The following MAGI2 variants were observed in gnomAD, a reference collection of about 807,000 sequenced individuals.
MAGI2 encodes membrane-associated guanylate kinase, WW and PDZ domain-containing protein 2.
MAGI2 carries 35 observed loss-of-function variants against 133.3 expected under a neutral mutation model. The observed-to-expected ratio is 0.26, with a 90% confidence interval of 0.20 to 0.35. MAGI2 has a LOEUF of 0.35. Among genes scored for constraint, MAGI2 ranks in the 10% least tolerant of loss-of-function variants. The pLI, the probability that MAGI2 is intolerant of heterozygous loss-of-function variation, is 1.00. For missense variants in MAGI2, 1,636 were observed against 1,863.4 expected (o/e 0.88, Z 2.25); for synonymous variants, 729 against 710.6 (o/e 1.03, Z -0.41).
intron 1 of MAGI2, among the ~76,000 whole-genome samples, chr7:79,327,150 CA>C (rs1371655647): frequency 6.6e-6 from 1 of 152,050 alleles, no homozygotes; most frequent in Non-Finnish European, 1.5e-5. Context: ...AACTGCTGAC[CA>C]GCTGAAGGCC....
chr7:78,333,663 G>A (rs1789461133), intron 9 of MAGI2, among the ~76,000 whole-genome samples: 1 of 152,194 alleles, frequency 6.6e-6, no homozygotes, highest in Non-Finnish European at 1.5e-5. Flanking sequence ...GCTACCCTAA[G>A]CTACCTTGTC....
intron 20 of MAGI2, among the ~76,000 whole-genome samples, chr7:78,105,689 T>C: frequency 6.6e-6 from 1 of 152,128 alleles, no homozygotes; most frequent in South Asian, 2.1e-4. Flanking sequence ...TTTTCTATTG[T>C]TATTGTTGTA....
At chr7:78,827,243 A>G (rs1348343453) in intron 2 of MAGI2, among the ~76,000 whole-genome samples, 1 of 152,122 alleles carries the variant, frequency 6.6e-6, no homozygotes, top group Non-Finnish European at 1.5e-5. Flanking sequence ...TAATAAAAGG[A>G]ACCAGGACTC....
intron 2 of MAGI2, among the ~76,000 whole-genome samples, chr7:78,748,094 T>G (rs1446270316): frequency 6.6e-6 from 1 of 152,010 alleles, no homozygotes; most frequent in African/African-American, 2.4e-5. Flanking sequence ...CCATACTAAT[T>G]ACCACTTTTC....
intron 2 of MAGI2, among the ~76,000 whole-genome samples, chr7:78,785,517 T>C (rs1399281974): frequency 6.6e-6 from 1 of 152,224 alleles, no homozygotes; most frequent in African/African-American, 2.4e-5. Flanking sequence ...CACTCACTTT[T>C]CTGCTCTGGG....
At chr7:78,153,198 T>C (rs1824059516) in intron 16 of MAGI2, among the ~76,000 whole-genome samples, 1 of 152,220 alleles carries the variant, frequency 6.6e-6, no homozygotes, top group Admixed American at 6.5e-5. Flanking sequence ...CTATGGAGGT[T>C]TGAAGAAAAT....
At chr7:79,182,356 G>A (rs1826697214) in intron 1 of MAGI2, among the ~76,000 whole-genome samples, 1 of 151,818 alleles carries the variant, frequency 6.6e-6, no homozygotes, top group Non-Finnish European at 1.5e-5. Flanking sequence ...ATGGCAGCAG[G>A]AAAAAAGAGA....
At chr7:78,850,499 ACT>A (rs1290788759) in intron 2 of MAGI2, among the ~76,000 whole-genome samples, 2 of 151,858 alleles carry the variant, frequency 1.3e-5, no homozygotes, top group East Asian at 3.9e-4. Context: ...CAGCTGGCTA[ACT>A]CTGTTGTGCT....
At chr7:79,223,037 A>C (rs1830572986) in intron 1 of MAGI2, among the ~76,000 whole-genome samples, 1 of 151,806 alleles carries the variant, frequency 6.6e-6, no homozygotes. Flanking sequence ...GGCACCCGCT[A>C]CCGCTCCTGG....
intron 1 of MAGI2, among the ~76,000 whole-genome samples, chr7:79,289,367 A>G (rs543989969): frequency 6.6e-6 from 1 of 152,220 alleles, no homozygotes; most frequent in East Asian, 1.9e-4. Flanking sequence ...GAAGTATGAC[A>G]TTTTCTATGT....
intron 1 of MAGI2, among the ~76,000 whole-genome samples, chr7:79,287,611 T>C (rs1273786814): frequency 6.6e-6 from 1 of 152,154 alleles, no homozygotes; most frequent in Non-Finnish European, 1.5e-5. Flanking sequence ...ACATAACCTG[T>C]CTGAGCCTCA....
intron 1 of MAGI2, among the ~76,000 whole-genome samples, chr7:79,015,393 A>T (rs1180727672): frequency 2.0e-5 from 3 of 152,178 alleles, no homozygotes; most frequent in Admixed American, 2.0e-4. Context: ...ATCTGGTACA[A>T]TACATGGTTC....
intron 1 of MAGI2, among the ~76,000 whole-genome samples, chr7:79,094,691 T>G (rs750544057): frequency 5.3e-5 from 8 of 152,186 alleles, no homozygotes; most frequent in African/African-American, 7.2e-5. Flanking sequence ...TTAGCTGGCA[T>G]GAAAACCCAT....
chr7:79,158,237 T>G (rs1033130080), intron 1 of MAGI2, among the ~76,000 whole-genome samples: 3 of 152,018 alleles, frequency 2.0e-5, no homozygotes, highest in Admixed American at 2.0e-4. Context: ...TAACATGTAC[T>G]TCTATCAGCA....
chr7:78,125,127 G>T (rs975296850), intron 20 of MAGI2, among the ~76,000 whole-genome samples: 4 of 151,962 alleles, frequency 2.6e-5, no homozygotes, highest in Admixed American at 2.6e-4. Flanking sequence ...GCCTCCCAAA[G>T]TGCTAGGATT....
intron 1 of MAGI2, among the ~76,000 whole-genome samples, chr7:79,242,123 T>C (rs1320553330): frequency 6.6e-6 from 1 of 152,170 alleles, no homozygotes; most frequent in Non-Finnish European, 1.5e-5. Flanking sequence ...CTATTGTACA[T>C]TATGGTGATT....
intron 10 of MAGI2, among the ~76,000 whole-genome samples, chr7:78,214,152 G>T (rs1268051705): frequency 6.6e-6 from 1 of 152,162 alleles, no homozygotes; most frequent in African/African-American, 2.4e-5. Context: ...GAAGCCCACT[G>T]ATTTGTCTAT....
At chr7:79,259,143 G>A (rs1282209349) in intron 1 of MAGI2, among the ~76,000 whole-genome samples, 1 of 152,188 alleles carries the variant, frequency 6.6e-6, no homozygotes, top group Non-Finnish European at 1.5e-5. Context: ...GAGATGAAAG[G>A]ATGCACTCAA....
At chr7:78,192,721 G>C (rs921610300) in intron 12 of MAGI2, among the ~76,000 whole-genome samples, 7 of 152,176 alleles carry the variant, frequency 4.6e-5, no homozygotes, top group Non-Finnish European at 8.8e-5. Context: ...ATAGAAAAGA[G>C]AAGGATAGGA....
Sources: gnomAD v4.1 joint callset for allele counts (sites outside exome capture counted in the v4.1 genomes callset) on GRCh38, gnomAD v4.1.1 for gene constraint, MANE v1.5 for transcripts, NCBI Gene and HGNC (gene_info 2026-07-23, HGNC 2026-07-21) for gene names.